ESAM: variants seen among roughly 807,000 people sequenced by gnomAD.
The protein encoded by ESAM is endothelial cell-selective adhesion molecule.
A neutral mutation model predicts 31.8 loss-of-function variants in ESAM; 23 were observed. The ratio of observed to expected loss-of-function variants is 0.72; its 90% confidence interval spans 0.52 to 1.03. The LOEUF (loss-of-function observed/expected upper bound fraction) is 1.03, where lower values mean the gene tolerates loss of function less well. ESAM is among the 50% of genes least tolerant of loss of function. ESAM has a pLI of 0.00. For missense variants in ESAM, 478 were observed against 488.9 expected (o/e 0.98, Z 0.21); for synonymous variants, 216 against 207.2 (o/e 1.04, Z -0.37).
Position 124,754,679 on chromosome 11 carries a change from C to T in ESAM, c.692G>A (p.Gly231Asp). ...VYVCKAHNEV[G>D]TAQCNVTLEV... ...CAGCGTCACATTACATTGGGCAGTG[C>T]CCACCTCATTGTGGGCCTTGCAGAC... is the stretch of plus-strand genomic sequence containing the variant. Residue 231 changes from glycine (G) to aspartate (D), a missense_variant, in exon 5 of 7, where the codon GGC (glycine) becomes GAC (aspartate). Coordinates refer to ENST00000278927, the MANE Select transcript of ESAM (RefSeq NM_138961.3). This position sits in a 1 kb window ranked among gnomAD's most constrained non-coding sequence, Gnocchi z 4.5. 6.2e-7 allele frequency: 1 copy of T among 1,614,170 alleles called. No individual in the cohort carries two copies. The highest frequency in any genetic ancestry group is 1.3e-5 in the African/African-American group (1 of 75,058).
chr11:124,753,329 G>A lies in ESAM; in HGVS notation c.*317C>T, dbSNP rs1234793061. The A allele has an allele frequency of 5.4e-6, 2 of 368,480 alleles. No homozygotes were observed. The highest frequency in any genetic ancestry group is 9.9e-6 in the Non-Finnish European group (2 of 201,524). 22.8% of individuals were successfully genotyped at this position (368,480 alleles called of 1,614,324 possible). A position where few individuals can be genotyped will look rare whatever the true frequency, so the allele number is the denominator to read the frequency against. On this transcript the variant is annotated 3_prime_UTR_variant, in exon 7 of 7. Transcript: ENST00000278927. Reference sequence around the variant, plus strand: ...AGATAGGGGTGGGGTACAGATCAAGGGGGCCTGGGAGACTCAGTGACTGGA... The same window carrying A: ...AGATAGGGGTGGGGTACAGATCAAGAGGGCCTGGGAGACTCAGTGACTGGA...
In ESAM at chr11:124,753,673, G is replaced by T; in HGVS notation, c.1146C>A (p.Ala382=). 1.2e-6 allele frequency: 2 copies of T among 1,613,826 alleles called. No homozygotes were observed. The highest frequency in any genetic ancestry group is 2.2e-5 in the East Asian group (1 of 44,886). Residue 382 remains alanine, a synonymous_variant, in exon 7 of 7, where the codon GCC becomes GCA. Transcript: ENST00000278927. ...ATACCAGAGAGCCAGCTTGACTCTG[G>T]GCAGGCACCATCACAGGCACAGCAC... ...RMGAVPVMVP[A]QSQAGSLV
intron 2 of ESAM, 87 bp from the exon 3 acceptor site, chr11:124,756,829 A>C (rs1244443591): frequency 1.4e-6 from 2 of 1,390,616 alleles, no homozygotes; most frequent in Non-Finnish European, 2.0e-6. Context: ...CCCAGCTCGC[A>C]TTCTCCAAAT....
intron 2 of ESAM, among the ~76,000 whole-genome samples, chr11:124,757,824 A>C (rs974611723): frequency 9.9e-5 from 15 of 151,636 alleles, no homozygotes; most frequent in African/African-American, 3.4e-4. Flanking sequence ...CAGCCTCCCA[A>C]GTAGCTGGGA....
rs1340394659 is a variant in ESAM at position 124,762,218 on chromosome 11, C to T, written c.-64G>A. The T allele has an allele frequency of 2.1e-5, 28 of 1,314,232 alleles. No homozygotes were observed. Among genetic ancestry groups the T allele is most frequent in the Non-Finnish European group, 2.8e-5 (27 of 971,548 alleles). The allele number at this position is 1,314,232 out of a possible 1,614,324, so 81.4% of individuals were successfully genotyped here. A position where few individuals can be genotyped will look rare whatever the true frequency, so the allele number is the denominator to read the frequency against. Reference sequence around the variant, plus strand: ...GCGGGACGCACGGACCTGCAGGTGCCGAGGCTGCGCGACGGCCGGAGCGTG... The same window carrying T: ...GCGGGACGCACGGACCTGCAGGTGCTGAGGCTGCGCGACGGCCGGAGCGTG... On this transcript the variant is annotated 5_prime_UTR_variant, in exon 1 of 7. Coordinates refer to ENST00000278927, the MANE Select transcript of ESAM (RefSeq NM_138961.3). The surrounding 1 kb of genome is among the most constrained non-coding windows in gnomAD (Gnocchi z 6.4).
Position 124,753,854 on chromosome 11 carries a change from G to C in ESAM, c.965C>G (p.Pro322Arg), listed in dbSNP as rs770493141. ...TGCACCAGGCCTGGGAGGGCCATGG[G>C]GTGGCCGGAGGGCTCGTGCGGAGGT... ...SVTSARALRPPHGPPRPGALT... is the reference protein window; with the variant it reads ...SVTSARALRPRHGPPRPGALT... Residue 322 changes from proline (P) to arginine (R), a missense_variant, in exon 7 of 7, where the codon CCC becomes CGC. Transcript: ENST00000278927. The C allele has an allele frequency of 5.0e-6, 8 of 1,613,864 alleles. 1 individual carries two copies. In the South Asian group the frequency reaches 8.8e-5, roughly 18 times the overall value.
At chr11:124,755,345 T>C (rs1455152249) in intron 4 of ESAM, among the ~76,000 whole-genome samples, 1 of 151,942 alleles carries the variant, frequency 6.6e-6, no homozygotes, top group Non-Finnish European at 1.5e-5. Context: ...TGTATACATA[T>C]GTAACTAACC....
rs1359137483 is a variant in ESAM, at chr11:124,758,229, T to C, written c.249+120A>G. ...CTGAACTGGTGAAGACTTCTGCTTT[T>C]CCCTGAAACTCCTTCCCCGGCCCCC... On this transcript the variant is annotated intron_variant, in intron 2 of 6. Transcript: ENST00000278927. The C allele has an allele frequency of 8.6e-6, 10 of 1,161,048 alleles. No homozygotes were observed. The Admixed American group carries it at 2.1e-4, about 25-fold the overall frequency. The allele number at this position is 1,161,048 out of a possible 1,614,324, so 71.9% of individuals were successfully genotyped here. A position where few individuals can be genotyped will look rare whatever the true frequency, so the allele number is the denominator to read the frequency against.
rs1315678158 is a variant in ESAM at position 124,753,238 on chromosome 11, C to T, written c.*408G>A. On this transcript the variant is annotated 3_prime_UTR_variant, in exon 7 of 7. Transcript: ENST00000278927. ...TCCCTATCCTCTGCCCCAGTAAAAC[C>T]TAACCAAGCCAGCCTGACAGGTTAT... The T allele has an allele frequency of 5.2e-6, 1 of 192,314 alleles. No individual in the cohort carries two copies. The highest frequency in any genetic ancestry group is 1.1e-5 in the Non-Finnish European group (1 of 92,430). The allele number at this position is 192,314 out of a possible 1,614,324, so 11.9% of individuals were successfully genotyped here. A position where few individuals can be genotyped will look rare whatever the true frequency, so the allele number is the denominator to read the frequency against.
chr11:124,753,908 AT>A lies in ESAM; in HGVS notation c.910del (p.Ile304SerfsTer28). ...TLPWPKSSDT[I>X]SKNGTLSSVT... The stretch of plus-strand genomic sequence containing the variant: ...AGAGGAAAGGGTCCCATTCTTGGAG[AT>A]TGTGTCTGAGCTCTTGGGCCAGGGC... On this transcript the variant is annotated frameshift_variant, in exon 7 of 7. Coordinates refer to ENST00000278927, the MANE Select transcript of ESAM (RefSeq NM_138961.3). LOFTEE classifies it low-confidence loss of function (END_TRUNC). 6.2e-7 allele frequency: 1 copy of A among 1,613,926 alleles called. No individual in the cohort carries two copies. The highest frequency in any genetic ancestry group is 8.5e-7 in the Non-Finnish European group (1 of 1,179,970).
rs1019284444 is a variant in ESAM, at chr11:124,759,736, C to T, written c.71-1209G>A. Among the ~76,000 whole-genome samples, 2 of 152,252 alleles carry T rather than the reference C, an allele frequency of 1.3e-5. No homozygotes were observed. Among genetic ancestry groups the T allele is most frequent in the Admixed American group, 1.3e-4 (2 of 15,292 alleles). On this transcript the variant is annotated intron_variant, in intron 1 of 6. Coordinates refer to ENST00000278927, the MANE Select transcript of ESAM (RefSeq NM_138961.3). This position sits in a 1 kb window ranked among gnomAD's most constrained non-coding sequence, Gnocchi z 6.8. ...CTGTTACTTGGCCTTCGCAGCATCC[C>T]CCTTCCCATTTCCTGGAGGATCTCT...
chr11:124,753,272 A>G lies in ESAM; in HGVS notation c.*374T>C. 1 of 235,132 alleles carries G rather than the reference A, an allele frequency of 4.3e-6. No homozygotes were observed. Among genetic ancestry groups the G allele is most frequent in the Non-Finnish European group, 8.3e-6 (1 of 120,310 alleles). The allele number at this position is 235,132 out of a possible 1,614,324, so 14.6% of individuals were successfully genotyped here. A position where few individuals can be genotyped will look rare whatever the true frequency, so the allele number is the denominator to read the frequency against. On this transcript the variant is annotated 3_prime_UTR_variant, in exon 7 of 7. Transcript: ENST00000278927. Reference sequence around the variant, plus strand: ...CCAGCCTGACAGGTTATATCAATACAGGGAGCTGGAGTGGGAGCCAAGGGT... The same window carrying G: ...CCAGCCTGACAGGTTATATCAATACGGGGAGCTGGAGTGGGAGCCAAGGGT...
chr11:124,754,106 T>C lies in ESAM; in HGVS notation c.857+108A>G. On this transcript the variant is annotated intron_variant, in intron 6 of 6. Transcript: ENST00000278927. This position sits in a 1 kb window ranked among gnomAD's most constrained non-coding sequence, Gnocchi z 4.5. Reference sequence around the variant, plus strand: ...CCTTAAAACCTGCCCATAGGAATGATGTTTCAGCCACTGACCCCATCCCAA... The same window carrying C: ...CCTTAAAACCTGCCCATAGGAATGACGTTTCAGCCACTGACCCCATCCCAA... The C allele has an allele frequency of 6.4e-7, 1 of 1,554,612 alleles. No individual in the cohort carries two copies. The highest frequency in any genetic ancestry group is 8.7e-7 in the Non-Finnish European group (1 of 1,147,352).
chr11:124,758,406 C>T lies in ESAM; in HGVS notation c.192G>A (p.Gln64=). The T allele has an allele frequency of 6.2e-7, 1 of 1,614,172 alleles. No individual in the cohort carries two copies. Among genetic ancestry groups the T allele is most frequent in the Non-Finnish European group, 8.5e-7 (1 of 1,180,030 alleles). Residue 64 remains glutamine, a synonymous_variant, in exon 2 of 7, where the codon CAG becomes CAA. Transcript: ENST00000278927. ...ACATCACAAAGGGCACCTCCCATGGCTGGGATGAAGACACCTCCCCGTGCA... is the reference window on the plus strand; with the variant it reads ...ACATCACAAAGGGCACCTCCCATGGTTGGGATGAAGACACCTCCCCGTGCA... ...YTLHGEVSSS[Q]PWEVPFVMWF...
Position 124,754,196 on chromosome 11 carries a change from G to C in ESAM, c.857+18C>G. On this transcript the variant is annotated intron_variant, in intron 6 of 6. Transcript: ENST00000278927. The surrounding 1 kb of genome is among the most constrained non-coding windows in gnomAD (Gnocchi z 4.5). ...AGCTGGGAGAGCCCCCGCTGCAGCA[G>C]ACACCAGGGACACTTACTTGATATC... 6.2e-7 allele frequency: 1 copy of C among 1,611,568 alleles called. No homozygotes were observed. Among genetic ancestry groups the C allele is most frequent in the East Asian group, 2.2e-5 (1 of 44,834 alleles).
In ESAM at chr11:124,753,861, G is replaced by A. The variant is rs200154876; in HGVS notation, c.958C>T (p.Arg320Trp). 37 of 1,613,764 alleles carry A rather than the reference G, an allele frequency of 2.3e-5. No individual in the cohort carries two copies. The highest frequency in any genetic ancestry group is 4.0e-5 in the African/African-American group (3 of 74,918). The change falls in exon 7 of 7, where the codon CGG becomes TGG. Residue 320 changes from arginine (R) to tryptophan (W), a missense_variant. By Grantham distance (101) the Arg-to-Trp change is moderately radical (BLOSUM62 -3). Transcript: ENST00000278927. Reference sequence around the variant, plus strand: ...GGCCTGGGAGGGCCATGGGGTGGCCGGAGGGCTCGTGCGGAGGTGACAGAG... The same window carrying A: ...GGCCTGGGAGGGCCATGGGGTGGCCAGAGGGCTCGTGCGGAGGTGACAGAG... ...LSSVTSARALRPPHGPPRPGA... is the reference protein window; with the variant it reads ...LSSVTSARALWPPHGPPRPGA...
rs753467258 is a variant in ESAM, at chr11:124,756,740, C to T, written c.252G>A (p.Val84=). 1.1e-4 allele frequency: 175 copies of T among 1,614,098 alleles called. No individual in the cohort carries two copies. The Admixed American group carries it at 1.3e-3, about 12-fold the overall frequency. ...TTGTGACCCCATTGATGTAGGACAA[C>T]ACCTGGTGTGGGGCATAACACATCC... ...FFKQKEKEDQ[V]LSYINGVTTS... is the part of the protein sequence containing the mutation. The change falls in exon 3 of 7, where the codon GTG becomes GTA. Residue 84 remains valine, a splice_region_variant and synonymous_variant. Transcript: ENST00000278927.
Position 124,758,439 on chromosome 11 carries a change from C to T in ESAM, c.159G>A (p.Trp53Ter). ...AAGACACCTCCCCGTGCAAGGTGTA[C>T]CACGCTGGAAGCACCACTTCCCCTC... ...VEGGEVVLPA[W>*]YTLHGEVSSS... The change falls in exon 2 of 7, where the codon TGG becomes TGA. Residue 53 changes from tryptophan (W) to a stop codon, truncating the protein, a stop_gained. Coordinates refer to ENST00000278927, the MANE Select transcript of ESAM (RefSeq NM_138961.3). LOFTEE classifies it high-confidence loss of function. 1 of 1,614,024 alleles carries T rather than the reference C, an allele frequency of 6.2e-7. No individual in the cohort carries two copies. The highest frequency in any genetic ancestry group is 1.1e-5 in the South Asian group (1 of 91,082).
At chr11:124,756,804 A>C in intron 2 of ESAM, 62 bp from the exon 3 acceptor site, 4 of 1,549,878 alleles carry the variant, frequency 2.6e-6, no homozygotes, top group Non-Finnish European at 3.5e-6. Context: ...CTACAGGCTC[A>C]GCCACTCTCC....
Sources: gnomAD v4.1 joint callset for allele counts (sites outside exome capture counted in the v4.1 genomes callset) on GRCh38, gnomAD v4.1.1 for gene constraint, Gnocchi (gnomAD v3.1) non-coding constraint, MANE v1.5 for transcripts, NCBI Gene and HGNC (gene_info 2026-07-23, HGNC 2026-07-21) for gene names.